ARHGEF3: variants seen among roughly 807,000 people sequenced by gnomAD.
ARHGEF3 encodes Rho guanine nucleotide exchange factor 3.
In ARHGEF3, 28 loss-of-function variants were observed where a neutral mutation model predicts 63.2. The ratio of observed to expected loss-of-function variants is 0.44; its 90% CI spans 0.33 to 0.61. ARHGEF3 has a LOEUF of 0.61. Among genes scored for constraint, ARHGEF3 ranks in the 20% least tolerant of loss-of-function variants. The probability of loss-of-function intolerance (pLI) is 0.03; values close to 1 mark genes in which losing one functional copy is unlikely to be tolerated. For missense variants in ARHGEF3, 533 were observed against 659.3 expected (o/e 0.81, Z 2.10); for synonymous variants, 266 against 254.2 (o/e 1.05, Z -0.44).
At chr3:57,050,547 C>G (rs534944268) in intron 1 of ARHGEF3, among the ~76,000 whole-genome samples, 27 of 152,110 alleles carry the variant, frequency 1.8e-4, no homozygotes, top group Middle Eastern at 3.4e-3. Context: ...TGTTGACTGA[C>G]TGAGGGACAC....
intron 3 of ARHGEF3, among the ~76,000 whole-genome samples, chr3:56,894,361 T>C (rs566864435): frequency 6.6e-6 from 1 of 152,236 alleles, no homozygotes. Flanking sequence ...TGAATGAAAC[T>C]AAATAGTGAA....
intron 3 of ARHGEF3, among the ~76,000 whole-genome samples, chr3:56,935,115 T>C (rs920490433): frequency 2.0e-5 from 3 of 152,046 alleles, no homozygotes; most frequent in Non-Finnish European, 4.4e-5. Flanking sequence ...CAATTGGCAG[T>C]CTGTATCTAG....
intron 1 of ARHGEF3, among the ~76,000 whole-genome samples, chr3:57,047,486 G>C (rs2318008): frequency 6.6e-6 from 1 of 152,122 alleles, no homozygotes; most frequent in Non-Finnish European, 1.5e-5. Flanking sequence ...GGAAAGGACT[G>C]CTCTATGCCT....
At chr3:56,730,354 G>A (rs991715774) in intron 9 of ARHGEF3, among the ~76,000 whole-genome samples, 1 of 151,454 alleles carries the variant, frequency 6.6e-6, no homozygotes. Flanking sequence ...AAAAAAAAAT[G>A]GTAGTCCACA....
At chr3:56,752,460 T>A (rs2034828519) in intron 4 of ARHGEF3, among the ~76,000 whole-genome samples, 1 of 151,832 alleles carries the variant, frequency 6.6e-6, no homozygotes, top group South Asian at 2.1e-4. Flanking sequence ...AAAGCTGGAG[T>A]GGCCAAGGGA....
At chr3:56,916,350 CT>C in intron 3 of ARHGEF3, 1 of 1,535,378 alleles carries the variant, frequency 6.5e-7, no homozygotes, top group South Asian at 1.2e-5. Context: ...ATGGGGCGCT[CT>C]GACCTCATCC....
chr3:56,779,607 C>T (rs1042310790), intron 1 of ARHGEF3, among the ~76,000 whole-genome samples: 3 of 152,036 alleles, frequency 2.0e-5, no homozygotes, highest in African/African-American at 7.2e-5. Context: ...ATGGACAATT[C>T]TTTAATTCCT....
intron 2 of ARHGEF3, among the ~76,000 whole-genome samples, chr3:56,967,458 T>A (rs1459511282): frequency 6.9e-5 from 2 of 29,046 alleles, no homozygotes; most frequent in Admixed American, 7.0e-4. Flanking sequence ...ATTATACATA[T>A]TATATATTAT....
At chr3:56,861,259 A>G (rs981436912) in intron 4 of ARHGEF3, among the ~76,000 whole-genome samples, 1 of 152,180 alleles carries the variant, frequency 6.6e-6, no homozygotes, top group Non-Finnish European at 1.5e-5. Context: ...GACTTTGGCC[A>G]TCAACTTCAG....
At chr3:56,840,330 T>C (rs2039269172) in intron 4 of ARHGEF3, among the ~76,000 whole-genome samples, 1 of 152,190 alleles carries the variant, frequency 6.6e-6, no homozygotes, top group African/African-American at 2.4e-5. Context: ...AAACAAATGT[T>C]CTAGGACAAG....
intron 4 of ARHGEF3, among the ~76,000 whole-genome samples, chr3:56,862,534 A>T (rs2040111759): frequency 6.6e-6 from 1 of 152,094 alleles, no homozygotes; most frequent in African/African-American, 2.4e-5. Context: ...CCAAGGCTGA[A>T]TCTGGGCCCC....
chr3:56,886,709 A>G (rs766250151), intron 3 of ARHGEF3, among the ~76,000 whole-genome samples: 1 of 152,182 alleles, frequency 6.6e-6, no homozygotes, highest in Non-Finnish European at 1.5e-5. Context: ...TCAGGCACAG[A>G]GCTAAATCCT....
chr3:56,823,989 A>G (rs1399568425), intron 4 of ARHGEF3, among the ~76,000 whole-genome samples: 1 of 98,196 alleles, frequency 1.0e-5, no homozygotes, highest in Non-Finnish European at 2.1e-5. Flanking sequence ...AGGAAAGGAA[A>G]AAAAAAAAAA....
At chr3:56,968,224 A>ATATATAAAAATATATATTATATATAT (rs1700720761) in intron 2 of ARHGEF3, among the ~76,000 whole-genome samples, 1 of 15,804 alleles carries the variant, frequency 6.3e-5, no homozygotes, top group African/African-American at 1.7e-4. Context: ...ATTATATATA[A>ATATATAAAAATATATATTATATATAT]TATATATATA....
chr3:56,922,130 G>A lies in ARHGEF3; in HGVS notation c.129+36693C>T, dbSNP rs762274278. On this transcript the variant is annotated intron_variant, in intron 3 of 12. Transcript: ENST00000338458. ...CTGTGAAGCAGCCACCGGCCTGGCCGCTGCGGTTCTGCCTCCTTGACTAAC... is the reference window on the plus strand; with the variant it reads ...CTGTGAAGCAGCCACCGGCCTGGCCACTGCGGTTCTGCCTCCTTGACTAAC... Among the ~76,000 whole-genome samples, 119 of 151,560 alleles carry A rather than the reference G, an allele frequency of 7.9e-4. 1 individual carries two copies. Among genetic ancestry groups the A allele is most frequent in the Middle Eastern group, 3.5e-3 (1 of 284 alleles).
At chr3:56,975,444 A>T (rs1701088705) in intron 2 of ARHGEF3, among the ~76,000 whole-genome samples, 1 of 152,098 alleles carries the variant, frequency 6.6e-6, no homozygotes, top group Non-Finnish European at 1.5e-5. Context: ...AATAAATAAA[A>T]AATAAAGAAC....
At chr3:56,970,022 C>T (rs1700840431) in intron 2 of ARHGEF3, among the ~76,000 whole-genome samples, 1 of 152,126 alleles carries the variant, frequency 6.6e-6, no homozygotes, top group Non-Finnish European at 1.5e-5. Context: ...AGATTAGCTC[C>T]AGAAGCTGGG....
At chr3:56,950,672 C>T (rs1189854056) in intron 3 of ARHGEF3, among the ~76,000 whole-genome samples, 1 of 152,066 alleles carries the variant, frequency 6.6e-6, no homozygotes, top group Non-Finnish European at 1.5e-5. Context: ...CACTTTTACA[C>T]TGTTGGTGGG....
At chr3:56,927,238 T>C (rs2042297703) in intron 3 of ARHGEF3, among the ~76,000 whole-genome samples, 1 of 152,200 alleles carries the variant, frequency 6.6e-6, no homozygotes, top group Non-Finnish European at 1.5e-5. Context: ...CAAATATGTA[T>C]CATTGAGCAT....
Sources: allele counts gnomAD v4.1 joint callset (sites outside exome capture counted in the v4.1 genomes callset), GRCh38; gene constraint gnomAD v4.1.1; transcripts MANE v1.5; gene names NCBI Gene and HGNC (gene_info 2026-07-23, HGNC 2026-07-21).